WDR70: variants seen among roughly 807,000 people sequenced by gnomAD.
WDR70 encodes the protein WD repeat domain 70.
A neutral mutation model predicts 88.6 loss-of-function variants in WDR70; 53 were observed. The ratio of observed to expected loss-of-function variants is 0.60; its 90% CI spans 0.48 to 0.75. The LOEUF is 0.75. Ranked by LOEUF, WDR70 falls within the 30% of genes least tolerant of loss-of-function variation. The pLI is 0.00. For missense variants in WDR70, 610 were observed against 823.2 expected (o/e 0.74, Z 3.17); for synonymous variants, 280 against 270.0 (o/e 1.04, Z -0.36).
intron 5 of WDR70, among the ~76,000 whole-genome samples, chr5:37,414,826 G>C (rs930489942): frequency 1.3e-5 from 2 of 149,540 alleles, no homozygotes; most frequent in African/African-American, 5.0e-5. Flanking sequence ...GGTGTTTCTC[G>C]CAGAGGGGGA....
At chr5:37,422,538 C>T (rs112047495) in intron 5 of WDR70, among the ~76,000 whole-genome samples, 74,699 of 151,822 alleles carry the variant, frequency 0.49, 20,917 homozygotes, top group Non-Finnish European at 0.63. Flanking sequence ...AGTGCACTGG[C>T]GCGATCTCTG....
chr5:37,690,550 A>G (rs956842143), intron 10 of WDR70, among the ~76,000 whole-genome samples: 17 of 152,220 alleles, frequency 1.1e-4, no homozygotes, highest in African/African-American at 4.1e-4. Flanking sequence ...GTGGGGGCCA[A>G]TATTCAACAT....
chr5:37,482,141 TC>T lies in WDR70; in HGVS notation c.840+2157del, dbSNP rs1348143735. Among the ~76,000 whole-genome samples, 17 of 152,268 alleles carry T rather than the reference TC, an allele frequency of 1.1e-4. No homozygotes were observed. The East Asian group carries it at 1.4e-3, about 12-fold the overall frequency. On this transcript the variant is annotated intron_variant, in intron 8 of 17. Coordinates refer to ENST00000265107, the MANE Select transcript of WDR70 (RefSeq NM_018034.4). ...CAAGTCTCTAGGAAGTTCCAAACTTTCCCACATTTTCCTATCCTCTTCTGAG... is the reference window on the plus strand; with the variant it reads ...CAAGTCTCTAGGAAGTTCCAAACTTTCCACATTTTCCTATCCTCTTCTGAG...
At chr5:37,701,326 G>T (rs548870076) in intron 12 of WDR70, among the ~76,000 whole-genome samples, 184 bp downstream of exon 12, 1 of 152,100 alleles carries the variant, frequency 6.6e-6, no homozygotes, top group East Asian at 1.9e-4. Context: ...CAGACTTCAA[G>T]AACTTTTTTG....
intron 9 of WDR70, among the ~76,000 whole-genome samples, chr5:37,557,448 G>A (rs1581391164): frequency 6.6e-6 from 1 of 152,160 alleles, no homozygotes; most frequent in Admixed American, 6.5e-5. Context: ...AGTAGCCAGT[G>A]TTACCAACCA....
At chr5:37,655,917 C>T (rs2112568131) in intron 10 of WDR70, among the ~76,000 whole-genome samples, 1 of 152,038 alleles carries the variant, frequency 6.6e-6, no homozygotes, top group African/African-American at 2.4e-5. Flanking sequence ...CATTACTACC[C>T]ACCTTCTGAA....
chr5:37,703,178 C>T (rs892447464), intron 13 of WDR70, 91 bp downstream of exon 13: 1 of 1,495,126 alleles, frequency 6.7e-7, no homozygotes, highest in Non-Finnish European at 9.1e-7. Context: ...AGAATATAAG[C>T]CCTGGCCCTT....
intron 9 of WDR70, among the ~76,000 whole-genome samples, chr5:37,594,011 T>C (rs1237233855): frequency 6.6e-6 from 1 of 152,238 alleles, no homozygotes; most frequent in East Asian, 1.9e-4. Context: ...TTTTTTCTTG[T>C]AAATTTGTTT....
chr5:37,707,938 AAAAAAAAAAAATATATATATAT>A (rs1747388094), intron 13 of WDR70, among the ~76,000 whole-genome samples: 1 of 36,276 alleles, frequency 2.8e-5, no homozygotes, highest in African/African-American at 9.9e-5. Context: ...AAAAAAAAAA[AAAAAAAAAAAATATATATATAT>A]ATATATATAT....
At chr5:37,497,220 C>T (rs2112207320) in intron 8 of WDR70, among the ~76,000 whole-genome samples, 2 of 147,342 alleles carry the variant, frequency 1.4e-5, no homozygotes, top group Non-Finnish European at 3.0e-5. Context: ...CTCCATCCTC[C>T]TCCGTCCTCC....
intron 13 of WDR70, among the ~76,000 whole-genome samples, chr5:37,703,975 C>G (rs1177167298): frequency 6.6e-6 from 1 of 152,174 alleles, no homozygotes; most frequent in African/African-American, 2.4e-5. Context: ...ACTTACGTGA[C>G]TCAGACAATT....
intron 10 of WDR70, among the ~76,000 whole-genome samples, chr5:37,637,162 T>A (rs1490906809): frequency 1.3e-5 from 2 of 151,788 alleles, no homozygotes; most frequent in Non-Finnish European, 1.5e-5. Context: ...GCCAACATGG[T>A]GAAACCCTTT....
intron 8 of WDR70, among the ~76,000 whole-genome samples, chr5:37,484,731 C>T (rs1156623931): frequency 6.6e-6 from 1 of 152,132 alleles, no homozygotes; most frequent in African/African-American, 2.4e-5. Flanking sequence ...GCTAACATAT[C>T]TGTGAGTTGA....
chr5:37,701,049 C>T lies in WDR70; in HGVS notation c.1193-9C>T, dbSNP rs374124082. On this transcript the variant is annotated splice_polypyrimidine_tract_variant and intron_variant, in intron 11 of 17. Transcript: ENST00000265107. ...TTCTGTCTTTTTTTTCCCCTCATTC[C>T]TCTGTCAGGTGACGATTCATTAAAA... 2 of 1,589,232 alleles carry T rather than the reference C, an allele frequency of 1.3e-6. No individual in the cohort carries two copies. The highest frequency in any genetic ancestry group is 1.7e-6 in the Non-Finnish European group (2 of 1,158,398).
chr5:37,526,387 G>A (rs1225440036), intron 9 of WDR70, among the ~76,000 whole-genome samples: 1 of 152,130 alleles, frequency 6.6e-6, no homozygotes, highest in African/African-American at 2.4e-5. Context: ...AAAACCACAT[G>A]ATTATCTCAA....
intron 10 of WDR70, among the ~76,000 whole-genome samples, chr5:37,686,311 T>A: frequency 6.6e-6 from 1 of 151,670 alleles, no homozygotes. Context: ...GGACACCCTG[T>A]CTCACAAAGG....
intron 9 of WDR70, among the ~76,000 whole-genome samples, chr5:37,578,606 G>A (rs751485968): frequency 1.3e-5 from 2 of 152,112 alleles, no homozygotes; most frequent in African/African-American, 2.4e-5. Flanking sequence ...CTTATTTAAT[G>A]ATTAAGGCAC....
intron 8 of WDR70, among the ~76,000 whole-genome samples, chr5:37,486,605 A>G (rs1053884655): frequency 5.9e-5 from 9 of 152,258 alleles, no homozygotes; most frequent in African/African-American, 2.2e-4. Context: ...TTGGCCTCCT[A>G]AAGTGCTGGG....
At chr5:37,719,185 T>C (rs1747733930) in intron 13 of WDR70, among the ~76,000 whole-genome samples, 1 of 152,146 alleles carries the variant, frequency 6.6e-6, no homozygotes, top group Admixed American at 6.5e-5. Context: ...CTCAAATTAG[T>C]CTCAGTGGTG....
Sources: gnomAD v4.1 joint callset for allele counts (sites outside exome capture counted in the v4.1 genomes callset) on GRCh38, gnomAD v4.1.1 for gene constraint, MANE v1.5 for transcripts, NCBI Gene and HGNC (gene_info 2026-07-23, HGNC 2026-07-21) for gene names.